DDC: variants seen among roughly 807,000 people sequenced by gnomAD.
DDC encodes aromatic-L-amino-acid decarboxylase.
Under a neutral mutation model 60.0 loss-of-function variants are expected in DDC, and 43 were observed. That is an observed-to-expected ratio of 0.72 (90% confidence interval 0.56 to 0.92). The LOEUF is 0.92. Ranked by LOEUF, DDC falls within the 40% of genes least tolerant of loss-of-function variation. The probability of loss-of-function intolerance (pLI) is 0.00; values close to 1 mark genes in which losing one functional copy is unlikely to be tolerated. For synonymous variants in DDC, 232 were observed against 234.6 expected, an observed-to-expected ratio of 0.99 and a Z score of 0.10; for missense variants, 573 against 620.2, an observed-to-expected ratio of 0.92 and a Z score of 0.81.
At chr7:50,554,456 T>C (rs1488373284) in intron 1 of DDC, among the ~76,000 whole-genome samples, 11 of 152,228 alleles carry the variant, frequency 7.2e-5, no homozygotes, top group Non-Finnish European at 1.5e-4. Flanking sequence ...ATTTTGAGGC[T>C]TTTGAGGCCG....
intron 14 of DDC, among the ~76,000 whole-genome samples, chr7:50,459,369 C>T (rs1316597691): frequency 9.2e-5 from 14 of 152,234 alleles, no homozygotes; most frequent in African/African-American, 2.2e-4. Flanking sequence ...AGCCTCTGCC[C>T]GGCCGCCACC....
chr7:50,522,827 T>C (rs1477038927), intron 6 of DDC, among the ~76,000 whole-genome samples: 2 of 151,916 alleles, frequency 1.3e-5, no homozygotes, highest in African/African-American at 4.9e-5. Context: ...ACAGGAAGCA[T>C]GGCTGGGGGG....
chr7:50,562,070 C>T (rs1349854206), intron 1 of DDC, among the ~76,000 whole-genome samples: 3 of 152,172 alleles, frequency 2.0e-5, no homozygotes, highest in Non-Finnish European at 4.4e-5. Flanking sequence ...TAGAAATGCC[C>T]CAAGGAGAGC....
intron 10 of DDC, among the ~76,000 whole-genome samples, chr7:50,477,268 G>A (rs2329366): frequency 0.77 from 117,283 of 152,042 alleles, 45,431 homozygotes; most frequent in Admixed American, 0.84. Context: ...TAAAGGAGAA[G>A]GAACCCTGAA....
At chr7:50,535,251 G>A (rs2044362641) in intron 4 of DDC, among the ~76,000 whole-genome samples, 1 of 151,864 alleles carries the variant, frequency 6.6e-6, no homozygotes, top group Non-Finnish European at 1.5e-5. Context: ...CTGCCTCCCA[G>A]GTTCAAGCAA....
intron 1 of DDC, among the ~76,000 whole-genome samples, chr7:50,562,888 C>T (rs2045371710): frequency 6.6e-6 from 1 of 152,190 alleles, no homozygotes; most frequent in Non-Finnish European, 1.5e-5. Flanking sequence ...GTCCAGACTG[C>T]CGGGCCCAGT....
chr7:50,530,147 C>G (rs1390200582), intron 4 of DDC, among the ~76,000 whole-genome samples: 1 of 151,902 alleles, frequency 6.6e-6, no homozygotes, highest in Non-Finnish European at 1.5e-5. Flanking sequence ...CCCAGCTACT[C>G]GAGAGGCTGA....
chr7:50,560,457 C>T (rs976592867), intron 1 of DDC, among the ~76,000 whole-genome samples: 4 of 152,108 alleles, frequency 2.6e-5, no homozygotes, highest in Non-Finnish European at 5.9e-5. Context: ...ATTGTGTGCC[C>T]GCCCCTTTAT....
intron 7 of DDC, among the ~76,000 whole-genome samples, chr7:50,502,352 G>C (rs892565601): frequency 3.3e-5 from 5 of 152,166 alleles, no homozygotes; most frequent in Non-Finnish European, 1.5e-5. Flanking sequence ...ATGGTCCAGC[G>C]GGCAGCCCAC....
intron 3 of DDC, among the ~76,000 whole-genome samples, chr7:50,538,815 T>C (rs1356105667): frequency 1.3e-5 from 2 of 152,246 alleles, no homozygotes; most frequent in Non-Finnish European, 2.9e-5. Context: ...TGAAATCTGC[T>C]GCAATATCCA....
intron 11 of DDC, among the ~76,000 whole-genome samples, chr7:50,470,950 G>T (rs914930596): frequency 1.8e-4 from 28 of 152,222 alleles, no homozygotes; most frequent in Admixed American, 1.8e-3. Context: ...GAGGAGAGCT[G>T]AGCCAGCTCC....
chr7:50,509,408 T>C (rs1487733824), intron 6 of DDC, among the ~76,000 whole-genome samples: 1 of 152,232 alleles, frequency 6.6e-6, no homozygotes, highest in Non-Finnish European at 1.5e-5. Context: ...TCTTTCGTGC[T>C]TCTGCCTCCT....
chr7:50,519,988 C>T (rs2153543741), intron 6 of DDC, among the ~76,000 whole-genome samples: 1 of 151,836 alleles, frequency 6.6e-6, no homozygotes, highest in Admixed American at 6.5e-5. Flanking sequence ...ACCAGTAAAT[C>T]CTGAAGATGG....
At chr7:50,479,968 T>A (rs760081843) in intron 9 of DDC, 105 bp from the exon 10 acceptor site, 1 of 163,392 alleles carries the variant, frequency 6.1e-6, no homozygotes. Flanking sequence ...CTCCCAGCCC[T>A]GCCCTGAACA....
intron 13 of DDC, among the ~76,000 whole-genome samples, chr7:50,463,956 G>A (rs2042340946): frequency 6.6e-6 from 1 of 152,098 alleles, no homozygotes; most frequent in Non-Finnish European, 1.5e-5. Flanking sequence ...TAGGCGCAGA[G>A]GCCCCACCCC....
At chr7:50,470,223 C>T in intron 11 of DDC, 52 bp from the exon 12 acceptor site, 1 of 1,392,292 alleles carries the variant, frequency 7.2e-7, no homozygotes, top group Non-Finnish European at 1.0e-6. Flanking sequence ...TAAAAGCTGG[C>T]TTCCTTTTCG....
At chr7:50,531,583 G>A (rs1213368628) in intron 4 of DDC, among the ~76,000 whole-genome samples, 1 of 151,994 alleles carries the variant, frequency 6.6e-6, no homozygotes, top group African/African-American at 2.4e-5. Flanking sequence ...TCTCTGGGGG[G>A]GGATGGGGGA....
intron 11 of DDC, among the ~76,000 whole-genome samples, chr7:50,470,934 G>A (rs753205494): frequency 6.6e-6 from 1 of 152,238 alleles, no homozygotes; most frequent in East Asian, 1.9e-4. Context: ...CTATAAAGGA[G>A]ACACTGAGGA....
intron 9 of DDC, among the ~76,000 whole-genome samples, chr7:50,481,870 C>G (rs2042776811): frequency 6.6e-6 from 1 of 152,068 alleles, no homozygotes; most frequent in South Asian, 2.1e-4. Context: ...GCTTTCTTAC[C>G]CCAAAATAGA....
Sources: gnomAD v4.1 joint callset for allele counts (sites outside exome capture counted in the v4.1 genomes callset) on GRCh38, gnomAD v4.1.1 for gene constraint, MANE v1.5 for transcripts, NCBI Gene and HGNC (gene_info 2026-07-23, HGNC 2026-07-21) for gene names.